NT5DC1: variants seen among roughly 807,000 people sequenced by gnomAD.
NT5DC1 encodes the protein 5'-nucleotidase domain containing 1.
In NT5DC1, 42 loss-of-function variants were observed where a neutral mutation model predicts 59.4. That is an observed-to-expected ratio of 0.71 (90% CI 0.55 to 0.92). The LOEUF (loss-of-function observed/expected upper bound fraction) is 0.92. Among genes scored for constraint, NT5DC1 ranks in the 40% least tolerant of loss-of-function variants. The pLI, the probability that NT5DC1 is intolerant of heterozygous loss-of-function variation, is 0.00. For missense variants in NT5DC1, 501 were observed against 537.1 expected (o/e 0.93, Z 0.66); for synonymous variants, 172 against 188.1 (o/e 0.91, Z 0.70).
At position 116,121,277 on chromosome 6, in the gene NT5DC1, G is replaced by C. The variant is rs370578053; in HGVS notation, c.529+3332G>C. On this transcript the variant is annotated intron_variant, in intron 6 of 11. Coordinates refer to ENST00000319550, the MANE Select transcript of NT5DC1 (RefSeq NM_152729.3). ...TCCTGGAGCCCCAGGGAGACCTTTT[G>C]TTCCTGGAATCCCTGGCTGGCCTGG... 145 of 1,613,834 alleles carry C rather than the reference G, an allele frequency of 9.0e-5. No individual in the cohort carries two copies. Among genetic ancestry groups the C allele is most frequent in the Non-Finnish European group, 1.2e-4 (141 of 1,179,952 alleles).
At chr6:116,233,851 G>A (rs1782061979) in intron 8 of NT5DC1, among the ~76,000 whole-genome samples, 1 of 152,076 alleles carries the variant, frequency 6.6e-6, no homozygotes, top group Admixed American at 6.5e-5. Context: ...ACCACTCTGT[G>A]AGGTAAGCAT....
intron 8 of NT5DC1, among the ~76,000 whole-genome samples, chr6:116,234,757 A>C (rs1782083775): frequency 6.6e-6 from 1 of 152,234 alleles, no homozygotes; most frequent in South Asian, 2.1e-4. Flanking sequence ...GGGTTTATAA[A>C]CACTGTGCTT....
rs1042437002 is a variant in NT5DC1 at position 116,247,575 on chromosome 6, G to A, written c.*3551G>A. On this transcript the variant is annotated 3_prime_UTR_variant, in exon 12 of 12. Coordinates refer to ENST00000319550, the MANE Select transcript of NT5DC1 (RefSeq NM_152729.3). Reference sequence around the variant, plus strand: ...TATAGAGAAGTTGGGTCATTACTTAGAATGACAACTGGAAAAGTACATAGA... The same window carrying A: ...TATAGAGAAGTTGGGTCATTACTTAAAATGACAACTGGAAAAGTACATAGA... 2 of 152,164 alleles carry A rather than the reference G, an allele frequency of 1.3e-5. No individual in the cohort carries two copies. The highest frequency in any genetic ancestry group is 4.8e-5 in the African/African-American group (2 of 41,442). 9.4% of individuals were successfully genotyped at this position (152,164 alleles called of 1,614,324 possible).
intron 6 of NT5DC1, among the ~76,000 whole-genome samples, chr6:116,138,728 AT>A (rs1779688224): frequency 6.6e-6 from 1 of 152,128 alleles, no homozygotes; most frequent in Non-Finnish European, 1.5e-5. Context: ...ATCCTTACTA[AT>A]GGGGTACATG....
Position 116,247,823 on chromosome 6 carries a change from TAA to T in NT5DC1, c.*3800_*3801del, listed in dbSNP as rs1409973226. On this transcript the variant is annotated 3_prime_UTR_variant, in exon 12 of 12. Coordinates refer to ENST00000319550, the MANE Select transcript of NT5DC1 (RefSeq NM_152729.3). ...ATCACTTAAAAAATAAATATTCTCT[TAA>T]CAGAAATGTCAGCGGTTACTTACAA... The T allele has an allele frequency of 1.4e-5, 1 of 74,010 alleles. No homozygotes were observed. The highest frequency in any genetic ancestry group is 3.1e-5 in the African/African-American group (1 of 32,342). 4.6% of individuals were successfully genotyped at this position (74,010 alleles called of 1,614,324 possible).
intron 6 of NT5DC1, among the ~76,000 whole-genome samples, chr6:116,152,370 C>T (rs1297675345): frequency 1.3e-5 from 2 of 151,986 alleles, no homozygotes; most frequent in South Asian, 2.1e-4. Context: ...TGCTTTTCAC[C>T]GTGAGGTAGA....
chr6:116,200,644 A>AAAAC (rs1781329209), intron 6 of NT5DC1, among the ~76,000 whole-genome samples: 1 of 152,038 alleles, frequency 6.6e-6, no homozygotes, highest in Non-Finnish European at 1.5e-5. Flanking sequence ...GCTCTGGTAT[A>AAAAC]TAATTCCCTT....
intron 5 of NT5DC1, among the ~76,000 whole-genome samples, chr6:116,116,719 A>G (rs1778971858): frequency 6.6e-6 from 1 of 152,134 alleles, no homozygotes; most frequent in South Asian, 2.1e-4. Flanking sequence ...AATTACATTT[A>G]TGTGTTGTGA....
At chr6:116,146,780 A>G (rs1779908715) in intron 6 of NT5DC1, among the ~76,000 whole-genome samples, 2 of 152,056 alleles carry the variant, frequency 1.3e-5, no homozygotes, top group South Asian at 2.1e-4. Context: ...AATTTAATGT[A>G]TGAAAAAGAT....
intron 6 of NT5DC1, among the ~76,000 whole-genome samples, chr6:116,201,056 A>G (rs1781336792): frequency 6.6e-6 from 1 of 151,998 alleles, no homozygotes; most frequent in Non-Finnish European, 1.5e-5. Context: ...GTAGGAGTGA[A>G]GTACTAACTT....
At chr6:116,115,015 GTGTC>G (rs974095167) in intron 4 of NT5DC1, among the ~76,000 whole-genome samples, 22 of 152,336 alleles carry the variant, frequency 1.4e-4, no homozygotes, top group African/African-American at 5.3e-4. Flanking sequence ...GTCATCAAAA[GTGTC>G]TGTTCAGGGA....
At chr6:116,140,664 C>G (rs1779742982) in intron 6 of NT5DC1, among the ~76,000 whole-genome samples, 1 of 152,082 alleles carries the variant, frequency 6.6e-6, no homozygotes, top group Non-Finnish European at 1.5e-5. Context: ...AGAAAGTATA[C>G]CACTCCACAT....
At chr6:116,154,279 G>GTA (rs1363239293) in intron 6 of NT5DC1, among the ~76,000 whole-genome samples, 1 of 152,082 alleles carries the variant, frequency 6.6e-6, no homozygotes, top group Admixed American at 6.6e-5. Flanking sequence ...CATCAACATA[G>GTA]CTGGAGTAGG....
chr6:116,133,380 G>A (rs1384183691), intron 6 of NT5DC1, among the ~76,000 whole-genome samples: 9 of 151,976 alleles, frequency 5.9e-5, no homozygotes, highest in African/African-American at 2.2e-4. Flanking sequence ...GAAGTCACAG[G>A]GTAACACTTT....
rs191681135 is a variant in NT5DC1 at position 116,193,899 on chromosome 6, A to G, written c.530-27155A>G. On this transcript the variant is annotated intron_variant, in intron 6 of 11. Transcript: ENST00000319550. ...CAGCCTAGGCAGCATGGCAAAAAAT[A>G]CAAAAAATACAGAAAGTAGTCAGAT... Among the ~76,000 whole-genome samples the G allele has an allele frequency of 4.8e-3, 723 of 152,046 alleles. 7 individuals are homozygous for G. The highest frequency in any genetic ancestry group is 0.016 in the African/African-American group (666 of 41,506).
intron 6 of NT5DC1, among the ~76,000 whole-genome samples, chr6:116,199,942 A>G (rs779600838): frequency 1.1e-3 from 166 of 149,212 alleles, no homozygotes; most frequent in Non-Finnish European, 2.2e-3. Context: ...ATGAATTTTT[A>G]CTCCTTAAGG....
In NT5DC1 at chr6:116,110,926, T is replaced by C. The variant is rs1458216288; in HGVS notation, c.334T>C (p.Leu112=). Residue 112 remains leucine, a synonymous_variant, in exon 4 of 12, where the codon TTG becomes CTG. Coordinates refer to ENST00000319550, the MANE Select transcript of NT5DC1 (RefSeq NM_152729.3). ...TGGCAAGAAAGAGTGGAAGCACTTC[T>C]TGTCGGACACTGGAATGGCTTGCCG... The part of the protein sequence containing the change: ...AYGKKEWKHF[L]SDTGMACRSG... The C allele has an allele frequency of 7.4e-6, 12 of 1,613,542 alleles. No homozygotes were observed. Among genetic ancestry groups the C allele is most frequent in the Middle Eastern group, 1.6e-4 (1 of 6,084 alleles).
intron 6 of NT5DC1, among the ~76,000 whole-genome samples, chr6:116,156,709 A>T (rs993349455): frequency 6.6e-6 from 1 of 152,226 alleles, no homozygotes; most frequent in Non-Finnish European, 1.5e-5. Context: ...GTACTTTCAT[A>T]ATATTTGCTT....
intron 1 of NT5DC1, among the ~76,000 whole-genome samples, chr6:116,105,258 G>T (rs1778747024): frequency 6.6e-6 from 1 of 152,238 alleles, no homozygotes; most frequent in East Asian, 1.9e-4. Flanking sequence ...CATTCCCTCT[G>T]CATTCACCCA....
Sources: gnomAD v4.1 joint callset for allele counts (sites outside exome capture counted in the v4.1 genomes callset) on GRCh38, gnomAD v4.1.1 for gene constraint, MANE v1.5 for transcripts, NCBI Gene and HGNC (gene_info 2026-07-23, HGNC 2026-07-21) for gene names.